Variants in PLXNA1 observed in about 807,000 individuals in gnomAD.
The protein encoded by PLXNA1 is plexin A1.
In PLXNA1, 77 loss-of-function variants were observed where a neutral mutation model predicts 191.7. That is an observed-to-expected ratio of 0.40 (90% confidence interval 0.33 to 0.49). The LOEUF is 0.49. Among genes scored for constraint, PLXNA1 ranks in the 20% least tolerant of loss-of-function variants. The probability of loss-of-function intolerance (pLI) is 0.63; values close to 1 mark genes in which losing one functional copy is unlikely to be tolerated. For synonymous variants in PLXNA1, 1,137 were observed against 1,156.4 expected (o/e 0.98, Z 0.34); for missense variants, 2,110 against 2,660.2 (o/e 0.79, Z 4.55).
At chr3:127,002,420 T>C (rs2079045554) in intron 3 of PLXNA1, among the ~76,000 whole-genome samples, 1 of 152,220 alleles carries the variant, frequency 6.6e-6, no homozygotes, top group Admixed American at 6.5e-5. Flanking sequence ...TGGATCGGAC[T>C]CCAACCAGGG....
Position 127,034,007 on chromosome 3 carries a change from T to C in PLXNA1, c.5681T>C (p.Leu1894Pro), listed in dbSNP as rs771241591. 18 of 1,599,132 alleles carry C rather than the reference T, an allele frequency of 1.1e-5. No homozygotes were observed. The highest frequency in any genetic ancestry group is 1.5e-5 in the Non-Finnish European group (18 of 1,174,432). ...GAGCAGGTGGTGGACACGATGGCCC[T>C]GAGCAGCTGAGCCCCAGCTGTGATC... The part of the protein sequence containing the change: ...KLEQVVDTMA[L>P]SS The change falls in exon 32 of 32, where the codon CTG becomes CCG. Residue 1894 changes from leucine (L) to proline (P), a missense_variant. Physicochemically the swap from Leu to Pro is moderately conservative, Grantham distance 98. Coordinates refer to ENST00000393409, the MANE Select transcript of PLXNA1 (RefSeq NM_032242.4).
chr3:127,001,573 C>T (rs991517948), intron 3 of PLXNA1, among the ~76,000 whole-genome samples: 5 of 152,308 alleles, frequency 3.3e-5, no homozygotes, highest in South Asian at 4.1e-4. Context: ...GGTCCCTAAC[C>T]GGGGTCTTCC....
At chr3:127,030,724 A>G (rs1202289170) in intron 29 of PLXNA1, among the ~76,000 whole-genome samples, 4 of 152,310 alleles carry the variant, frequency 2.6e-5, no homozygotes, top group East Asian at 1.9e-4. Context: ...CGTGAGAAAC[A>G]GGGCACAGTG....
At chr3:126,994,652 C>A (rs1448612827) in intron 3 of PLXNA1, among the ~76,000 whole-genome samples, 1 of 152,190 alleles carries the variant, frequency 6.6e-6, no homozygotes, top group Non-Finnish European at 1.5e-5. Flanking sequence ...GCCACACAGG[C>A]CTCTACTTGG....
intron 9 of PLXNA1, among the ~76,000 whole-genome samples, chr3:127,009,289 C>T (rs1408087557): frequency 6.6e-6 from 1 of 152,028 alleles, no homozygotes; most frequent in Non-Finnish European, 1.5e-5. Context: ...CCCTCCCCAT[C>T]CATGCCATGA....
chr3:127,027,182 G>A (rs576561011), intron 23 of PLXNA1: 1 of 193,142 alleles, frequency 5.2e-6, no homozygotes, highest in East Asian at 1.3e-4. Flanking sequence ...AAGATGCCAG[G>A]GGAAATTTCT....
chr3:126,994,851 C>A (rs1218107992), intron 3 of PLXNA1, among the ~76,000 whole-genome samples: 4 of 152,102 alleles, frequency 2.6e-5, no homozygotes, highest in Admixed American at 2.0e-4. Flanking sequence ...GGCCCCGGGG[C>A]TCCCTCCTGC....
At position 127,007,808 on chromosome 3, in the gene PLXNA1, C is replaced by G; in HGVS notation, c.2007C>G (p.Ser669=). 1 of 1,611,730 alleles carries G rather than the reference C, an allele frequency of 6.2e-7. No individual in the cohort carries two copies. Among genetic ancestry groups the G allele is most frequent in the Non-Finnish European group, 8.5e-7 (1 of 1,178,634 alleles). ...CACCCTCTCCCTGCAGCTGCCTGTCCTGTGTCAACGGCTCCTTTCCCTGCC... is the reference window on the plus strand; with the variant it reads ...CACCCTCTCCCTGCAGCTGCCTGTCGTGTGTCAACGGCTCCTTTCCCTGCC... The part of the protein sequence containing the change: ...YNCSVHQSCL[S]CVNGSFPCHW... The change falls in exon 9 of 32, where the codon TCC becomes TCG. Residue 669 remains serine, a synonymous_variant. Transcript: ENST00000393409.
At chr3:126,990,793 C>T (rs1163067670) in intron 2 of PLXNA1, among the ~76,000 whole-genome samples, 2 of 152,318 alleles carry the variant, frequency 1.3e-5, no homozygotes, top group Non-Finnish European at 2.9e-5. Context: ...CTTGGCTTTT[C>T]AAGGAACGTG....
At chr3:127,006,221 C>G in intron 8 of PLXNA1, 43 bp downstream of exon 8, 4 of 1,450,578 alleles carry the variant, frequency 2.8e-6, no homozygotes, top group South Asian at 1.1e-5. Flanking sequence ...GCCTGGGCTA[C>G]TTGCCCCACT....
At position 127,014,481 on chromosome 3, in the gene PLXNA1, T is replaced by C. The variant is rs1346405817; in HGVS notation, c.2608T>C (p.Ser870Pro). ...RCTDPKILKL[S>P]PETGPRQGGT... is the part of the protein sequence containing the mutation. ...CCCCAGCCTCTGCCTCCCTCAGCTG[T>C]CCCCCGAGACGGGCCCGAGGCAGGG... The change falls in exon 13 of 32, where the codon TCC becomes CCC. Residue 870 changes from serine to proline, a missense_variant. Physicochemically the swap from Ser to Pro is moderately conservative, Grantham distance 74. Around this residue, in one of 4 missense-constraint regions of PLXNA1, gnomAD observed 644 missense variants for 714.3 expected, o/e 0.90. Coordinates refer to ENST00000393409, the MANE Select transcript of PLXNA1 (RefSeq NM_032242.4). 1 of 1,601,634 alleles carries C rather than the reference T, an allele frequency of 6.2e-7. No individual in the cohort carries two copies. The highest frequency in any genetic ancestry group is 8.5e-7 in the Non-Finnish European group (1 of 1,179,396).
rs767883294 is a variant in PLXNA1, at chr3:127,016,956, C to T, written c.3195C>T (p.Leu1065=). 1.2e-6 allele frequency: 2 copies of T among 1,613,116 alleles called. No homozygotes were observed. Among genetic ancestry groups the T allele is most frequent in the East Asian group, 4.5e-5 (2 of 44,896 alleles). The change falls in exon 17 of 32, where the codon CTC becomes CTT. Residue 1065 remains leucine (L), a synonymous_variant. Transcript: ENST00000393409. ...PEWSINSGGT[L]LTVTGTNLAT... ...TGTCCTGTTCCAGCGGTGGGACCCT[C>T]CTGACGGTCACAGGCACCAACCTGG... is the stretch of plus-strand genomic sequence containing the variant.
chr3:127,017,447 C>T lies in PLXNA1; in HGVS notation c.3299C>T (p.Thr1100Ile). ...CAGGGCTGCCTGGTGTACAATGACACCACCATGGTATGCCGCGCCCCGTCT... is the reference window on the plus strand; with the variant it reads ...CAGGGCTGCCTGGTGTACAATGACATCACCATGGTATGCCGCGCCCCGTCT... ...RENGCLVYND[T>I]TMVCRAPSVA... The change falls in exon 18 of 32, where the codon ACC (threonine) becomes ATC (isoleucine). Residue 1100 changes from threonine (T) to isoleucine (I), a missense_variant. This residue lies in a region of PLXNA1 where 644 missense variants were observed against 714.3 expected (regional missense o/e 0.90). Coordinates refer to ENST00000393409, the MANE Select transcript of PLXNA1 (RefSeq NM_032242.4). 6.2e-7 allele frequency: 1 copy of T among 1,613,088 alleles called. No individual in the cohort carries two copies. Among genetic ancestry groups the T allele is most frequent in the Non-Finnish European group, 8.5e-7 (1 of 1,179,978 alleles).
At chr3:127,031,877 G>A (rs1441030856) in intron 29 of PLXNA1, 1 of 169,716 alleles carries the variant, frequency 5.9e-6, no homozygotes, top group African/African-American at 2.4e-5. Flanking sequence ...GTGTGGCTGA[G>A]TGTCTGGGCT....
rs2078972185 is a variant in PLXNA1 at position 126,988,534 on chromosome 3, G to A, written c.-60G>A. 3 of 1,396,508 alleles carry A rather than the reference G, an allele frequency of 2.1e-6. No homozygotes were observed. Among genetic ancestry groups the A allele is most frequent in the Admixed American group, 2.8e-5 (1 of 35,358 alleles). The allele number at this position is 1,396,508 out of a possible 1,614,324, so 86.5% of individuals were successfully genotyped here. ...CCCCTTCCCCAGGGCTGAAGCTCCT[G>A]GCACCATGATGCTCACCCCAGCAGG... On this transcript the variant is annotated 5_prime_UTR_variant, in exon 2 of 32. Coordinates refer to ENST00000393409, the MANE Select transcript of PLXNA1 (RefSeq NM_032242.4).
At chr3:127,024,052 G>A (rs6807904) in intron 23 of PLXNA1, among the ~76,000 whole-genome samples, 5,370 of 152,250 alleles carry the variant, frequency 0.035, 308 homozygotes, top group African/African-American at 0.12. Flanking sequence ...AAAGTCGTGC[G>A]TGTCCTGTAG....
intron 3 of PLXNA1, among the ~76,000 whole-genome samples, chr3:127,002,243 C>A (rs977267243): frequency 6.6e-6 from 1 of 152,252 alleles, no homozygotes; most frequent in Admixed American, 6.5e-5. Context: ...TCCACTCTTC[C>A]GGGTCTGGTT....
rs1163941164 is a variant in PLXNA1 at position 127,028,686 on chromosome 3, G to A, written c.4670-307G>A. Reference sequence around the variant, plus strand: ...TTGGGGTGGGGCCCGGAGTCCTGCTGCAGATGTGACTGGAGAGGCTGGGTC... The same window carrying A: ...TTGGGGTGGGGCCCGGAGTCCTGCTACAGATGTGACTGGAGAGGCTGGGTC... On this transcript the variant is annotated intron_variant, in intron 25 of 31. Coordinates refer to ENST00000393409, the MANE Select transcript of PLXNA1 (RefSeq NM_032242.4). The A allele has an allele frequency of 7.5e-6, 4 of 533,564 alleles. No individual in the cohort carries two copies. In the East Asian group the frequency reaches 1.3e-4, roughly 17 times the overall value. The allele number at this position is 533,564 out of a possible 1,614,324, so 33.1% of individuals were successfully genotyped here.
Position 127,004,915 on chromosome 3 carries a change from A to G in PLXNA1, c.1650A>G (p.Ala550=), listed in dbSNP as rs1445953303. 6.2e-7 allele frequency: 1 copy of G among 1,605,772 alleles called. No homozygotes were observed. The highest frequency in any genetic ancestry group is 1.3e-5 in the African/African-American group (1 of 74,792). Residue 550 remains alanine, a synonymous_variant, in exon 6 of 32, where the codon GCA becomes GCG. Coordinates refer to ENST00000393409, the MANE Select transcript of PLXNA1 (RefSeq NM_032242.4). ...ICSRRDACER[A]DEPQRFAADL... ...CGCGGCGGGACGCCTGTGAGCGAGCAGACGAGCCCCAGCGCTTTGCTGCGG... is the reference window on the plus strand; with the variant it reads ...CGCGGCGGGACGCCTGTGAGCGAGCGGACGAGCCCCAGCGCTTTGCTGCGG...
Sources: allele counts gnomAD v4.1 joint callset (sites outside exome capture counted in the v4.1 genomes callset), GRCh38; gene constraint gnomAD v4.1.1; regional missense constraint gnomAD v4.1.1; transcripts MANE v1.5; gene names NCBI Gene and HGNC (gene_info 2026-07-23, HGNC 2026-07-21).